The following CD46 variants were observed in gnomAD, a reference collection of about 807,000 sequenced individuals.
The protein encoded by CD46 is CD46 molecule, also known as membrane cofactor protein.
Under a neutral mutation model 53.3 loss-of-function variants are expected in CD46, and 30 were observed. The ratio of observed to expected loss-of-function variants is 0.56; its 90% CI spans 0.42 to 0.76. The LOEUF (loss-of-function observed/expected upper bound fraction) is 0.76, where lower values mean the gene tolerates loss of function less well. Ranked by LOEUF, CD46 falls within the 30% of genes least tolerant of loss-of-function variation. The pLI is 0.00. For missense variants in CD46, 409 were observed against 463.0 expected (o/e 0.88, Z 1.07); for synonymous variants, 142 against 152.0 (o/e 0.93, Z 0.48).
At chr1:207,754,844 A>G (rs1655341075) in intron 1 of CD46, among the ~76,000 whole-genome samples, 1 of 119,120 alleles carries the variant, frequency 8.4e-6, no homozygotes, top group African/African-American at 3.1e-5. Context: ...TGATAAGAAG[A>G]AAACAAAAGG....
At chr1:207,777,876 A>C (rs182615193) in intron 8 of CD46, among the ~76,000 whole-genome samples, 110 of 152,278 alleles carry the variant, frequency 7.2e-4, no homozygotes, top group Admixed American at 1.8e-3. Context: ...TGCTTCCCAC[A>C]ATGGTGGAAC....
intron 4 of CD46, chr1:207,760,600 C>T (rs1225352145): frequency 3.3e-5 from 5 of 152,220 alleles, no homozygotes; most frequent in African/African-American, 9.7e-5. Flanking sequence ...CGTATTAGGC[C>T]GTTTTCGTAT....
Position 207,767,212 on chromosome 1 carries a change from T to A in CD46, c.856+17T>A. On this transcript the variant is annotated intron_variant, in intron 6 of 12. Transcript: ENST00000367042. ...GTCTTAAAGGTACAAAGGTTATCTT[T>A]TTTCTGTCTTGGTTTGTTATTGTTG... The A allele has an allele frequency of 6.2e-7, 1 of 1,604,464 alleles. No homozygotes were observed. Among genetic ancestry groups the A allele is most frequent in the Non-Finnish European group, 8.5e-7 (1 of 1,171,196 alleles).
At position 207,757,098 on chromosome 1, in the gene CD46, A is replaced by T; in HGVS notation, c.182A>T (p.Asp61Val). ...KPYYEIGERV[D>V]YKCKKGYFYI... ...TACTATGAGATTGGTGAACGAGTAG[A>T]TTATAAGTGTAAAAAAGGATACTTC... The change falls in exon 2 of 13, where the codon GAT becomes GTT. Residue 61 changes from aspartate (D) to valine (V), a missense_variant. Asp to Val is a radical substitution (Grantham distance 152). Transcript: ENST00000367042. 6.2e-7 allele frequency: 1 copy of T among 1,614,026 alleles called. No homozygotes were observed. The highest frequency in any genetic ancestry group is 1.1e-5 in the South Asian group (1 of 91,076).
rs1173002000 is a variant in CD46 at position 207,794,809 on chromosome 1, G to T, written c.*1332G>T. 6.6e-6 allele frequency: 1 copy of T among 152,132 alleles called. No homozygotes were observed. Among genetic ancestry groups the T allele is most frequent in the Admixed American group, 6.5e-5 (1 of 15,280 alleles). 9.4% of individuals were successfully genotyped at this position (152,132 alleles called of 1,614,324 possible). On this transcript the variant is annotated 3_prime_UTR_variant, in exon 13 of 13. Coordinates refer to ENST00000367042, the MANE Select transcript of CD46 (RefSeq NM_172351.3). ...AAAGAAGCCAGCAGGCGAAAAGCAG[G>T]GACTGCCACTGCATTTCATATCACA... is the stretch of plus-strand genomic sequence containing the variant.
At chr1:207,753,076 G>A (rs978280987) in intron 1 of CD46, among the ~76,000 whole-genome samples, 2 of 151,906 alleles carry the variant, frequency 1.3e-5, no homozygotes, top group African/African-American at 2.4e-5. Flanking sequence ...CTGCTTTTTT[G>A]GGGGGTGGGT....
intron 1 of CD46, among the ~76,000 whole-genome samples, chr1:207,755,211 G>A (rs553232007): frequency 6.6e-6 from 1 of 152,196 alleles, no homozygotes; most frequent in Admixed American, 6.5e-5. Flanking sequence ...ATTTGAAATA[G>A]AGGAACATAG....
intron 5 of CD46, among the ~76,000 whole-genome samples, chr1:207,764,241 G>A (rs1370468123): frequency 2.6e-5 from 4 of 152,152 alleles, no homozygotes; most frequent in African/African-American, 9.7e-5. Context: ...GCTGCGGTGC[G>A]CCAGTCACAT....
intron 1 of CD46, among the ~76,000 whole-genome samples, chr1:207,753,984 A>G (rs1294174916): frequency 6.6e-6 from 1 of 152,198 alleles, no homozygotes; most frequent in Non-Finnish European, 1.5e-5. Context: ...TTACACACAC[A>G]TTCATGCAGG....
chr1:207,789,096 C>T (rs1169495156), intron 11 of CD46, among the ~76,000 whole-genome samples: 1 of 152,166 alleles, frequency 6.6e-6, no homozygotes, highest in Non-Finnish European at 1.5e-5. Context: ...CATGACTGTG[C>T]TTCTGAACAA....
chr1:207,754,235 A>G (rs750400261), intron 1 of CD46, among the ~76,000 whole-genome samples: 3 of 152,196 alleles, frequency 2.0e-5, no homozygotes, highest in African/African-American at 7.2e-5. Flanking sequence ...TTCTCTGCTC[A>G]TCAAACAGAC....
intron 1 of CD46, among the ~76,000 whole-genome samples, chr1:207,753,957 C>CT (rs1558040748): frequency 6.6e-6 from 1 of 152,018 alleles, no homozygotes; most frequent in African/African-American, 2.4e-5. Flanking sequence ...TTTCTTGATC[C>CT]TTTTTTCACT....
intron 2 of CD46, 150 bp downstream of exon 2, chr1:207,757,352 A>G: frequency 1.1e-6 from 1 of 884,664 alleles, no homozygotes; most frequent in South Asian, 1.4e-5. Context: ...GAGAAATCAA[A>G]ATCTCCAAGA....
At chr1:207,753,889 T>C (rs1655205715) in intron 1 of CD46, among the ~76,000 whole-genome samples, 1 of 152,204 alleles carries the variant, frequency 6.6e-6, no homozygotes, top group African/African-American at 2.4e-5. Flanking sequence ...ATTCAACGAA[T>C]ATGGGTCTTG....
rs118186715 is a variant in CD46 at position 207,752,675 on chromosome 1, C to T, written c.97+366C>T. 1.3e-5 allele frequency among the ~76,000 whole-genome samples: 2 copies of T among 152,156 alleles called. No individual in the cohort carries two copies. The highest frequency in any genetic ancestry group is 3.9e-4 in the East Asian group (2 of 5,164). On this transcript the variant is annotated intron_variant, in intron 1 of 12. Coordinates refer to ENST00000367042, the MANE Select transcript of CD46 (RefSeq NM_172351.3). The surrounding 1 kb of genome is among the most constrained non-coding windows in gnomAD (Gnocchi z 4.1). Reference sequence around the variant, plus strand: ...AGGTGCGTGGGAGTGTTGCTAGGGCCCGTGCTGTGTCCGTGGTGAGAGTTT... The same window carrying T: ...AGGTGCGTGGGAGTGTTGCTAGGGCTCGTGCTGTGTCCGTGGTGAGAGTTT...
rs1571619897 is a variant in CD46, at chr1:207,767,705, G to A, written c.857-74G>A. The A allele has an allele frequency of 3.1e-6, 5 of 1,588,580 alleles. No homozygotes were observed. The East Asian group carries it at 8.9e-5, about 28-fold the overall frequency. ...CTTCCTTATATGTTACAAGATATAA[G>A]GAATTCCTGGAGAAATTGCCAGCAA... On this transcript the variant is annotated intron_variant, in intron 6 of 12. Coordinates refer to ENST00000367042, the MANE Select transcript of CD46 (RefSeq NM_172351.3).
At chr1:207,778,907 C>T (rs188697239) in intron 8 of CD46, among the ~76,000 whole-genome samples, 1 of 152,224 alleles carries the variant, frequency 6.6e-6, no homozygotes, top group Admixed American at 6.5e-5. Context: ...TTGATTCTTC[C>T]ATCCATGAGC....
rs1483729192 is a variant in CD46, at chr1:207,752,758, C to T, written c.97+449C>T. Reference sequence around the variant, plus strand: ...GGTGTTCATTAGGGCTTGGACAGTACCCGCGGTAAGGGTTGCAGTGCGTCT... The same window carrying T: ...GGTGTTCATTAGGGCTTGGACAGTATCCGCGGTAAGGGTTGCAGTGCGTCT... On this transcript the variant is annotated intron_variant, in intron 1 of 12. Coordinates refer to ENST00000367042, the MANE Select transcript of CD46 (RefSeq NM_172351.3). The surrounding 1 kb of genome is among the most constrained non-coding windows in gnomAD (Gnocchi z 4.1). 6.6e-6 allele frequency among the ~76,000 whole-genome samples: 1 copy of T among 152,032 alleles called. No individual in the cohort carries two copies. The highest frequency in any genetic ancestry group is 2.4e-5 in the African/African-American group (1 of 41,406).
chr1:207,787,136 A>T (rs865858813), intron 11 of CD46, among the ~76,000 whole-genome samples: 4 of 152,028 alleles, frequency 2.6e-5, no homozygotes, highest in Admixed American at 1.3e-4. Flanking sequence ...CAATGGCGCA[A>T]TCTTGGCTCG....
Sources: gnomAD v4.1 joint callset for allele counts (sites outside exome capture counted in the v4.1 genomes callset) on GRCh38, gnomAD v4.1.1 for gene constraint, Gnocchi (gnomAD v3.1) non-coding constraint, MANE v1.5 for transcripts, NCBI Gene and HGNC (gene_info 2026-07-23, HGNC 2026-07-21) for gene names.